Variants in EPHA6 observed in about 807,000 individuals in gnomAD.
EPHA6 encodes ephrin type-A receptor 6.
Under a neutral mutation model 112.0 loss-of-function variants are expected in EPHA6, and 50 were observed. The observed-to-expected ratio is 0.45, with a 90% CI of 0.36 to 0.56. EPHA6 has a LOEUF of 0.56. Among genes scored for constraint, EPHA6 ranks in the 20% least tolerant of loss-of-function variants. The pLI, the probability that EPHA6 is intolerant of heterozygous loss-of-function variation, is 0.00. For synonymous variants in EPHA6, 529 were observed against 490.7 expected (o/e 1.08, Z -1.03); for missense variants, 1,280 against 1,417.4 (o/e 0.90, Z 1.56).
At chr3:97,646,398 T>TCTCATTCTTCATTTACTTTA in intron 14 of EPHA6, 8 of 965,900 alleles carry the variant, frequency 8.3e-6, no homozygotes, top group Middle Eastern at 2.3e-4. Flanking sequence ...CTAAAGTAAA[T>TCTCATTCTTCATTTACTTTA]GAAGAATGAG....
intron 3 of EPHA6, among the ~76,000 whole-genome samples, chr3:97,024,081 A>C (rs2044554541): frequency 6.6e-6 from 1 of 152,108 alleles, no homozygotes; most frequent in African/African-American, 2.4e-5. Context: ...AATAATTTGC[A>C]CATTAAAGTC....
Position 97,150,685 on chromosome 3 carries a change from T to A in EPHA6, c.1115-75579T>A, listed in dbSNP as rs2076150672. 2.0e-5 allele frequency among the ~76,000 whole-genome samples: 3 copies of A among 152,150 alleles called. No individual in the cohort carries two copies. In the South Asian group the frequency reaches 6.2e-4, roughly 31 times the overall value. On this transcript the variant is annotated intron_variant, in intron 3 of 17. Transcript: ENST00000389672. Reference sequence around the variant, plus strand: ...TGTCTTCTCCCAATGTTCATGAGACTACAATAGCCTAATATGTAAGCTTGA... The same window carrying A: ...TGTCTTCTCCCAATGTTCATGAGACAACAATAGCCTAATATGTAAGCTTGA...
At position 97,752,260 on chromosome 3, in the gene EPHA6, C is replaced by T. The variant is rs1168122419; in HGVS notation, c.*3559C>T. ...AAATCCGATCCTTGAAAAGCAAAGG[C>T]TCTAAAGAAGCTCTTCAGAAGAGAC... On this transcript the variant is annotated 3_prime_UTR_variant, in exon 18 of 18. Transcript: ENST00000389672. 4.5e-6 allele frequency: 1 copy of T among 222,906 alleles called. No homozygotes were observed. Among genetic ancestry groups the T allele is most frequent in the Non-Finnish European group, 9.0e-6 (1 of 111,600 alleles). The allele number at this position is 222,906 out of a possible 1,614,324, so 13.8% of individuals were successfully genotyped here. A position where few individuals can be genotyped will look rare whatever the true frequency, so the allele number is the denominator to read the frequency against.
rs553888364 is a variant in EPHA6 at position 97,118,726 on chromosome 3, C to T, written c.1115-107538C>T. On this transcript the variant is annotated intron_variant, in intron 3 of 17. Transcript: ENST00000389672. ...AGTACCCATGATCTTGGGAAAATTA[C>T]TTAACTTCCCTAATATTCAATTTTT... Among the ~76,000 whole-genome samples, 162 of 151,976 alleles carry T rather than the reference C, an allele frequency of 1.1e-3. 1 individual carries two copies. Among genetic ancestry groups the T allele is most frequent in the African/African-American group, 3.7e-3 (153 of 41,506 alleles).
chr3:96,957,557 A>G (rs963043512), intron 2 of EPHA6, among the ~76,000 whole-genome samples: 5 of 152,224 alleles, frequency 3.3e-5, no homozygotes, highest in African/African-American at 7.2e-5. Flanking sequence ...TTAAATTTCA[A>G]TCAGCTGTTA....
intron 5 of EPHA6, among the ~76,000 whole-genome samples, chr3:97,360,098 T>A (rs2084296226): frequency 6.6e-6 from 1 of 152,152 alleles, no homozygotes; most frequent in Admixed American, 6.5e-5. Flanking sequence ...CAGTTCCTGA[T>A]ATTTGGAGGG....
chr3:97,223,564 G>A (rs1286493921), intron 3 of EPHA6, among the ~76,000 whole-genome samples: 1 of 152,144 alleles, frequency 6.6e-6, no homozygotes, highest in African/African-American at 2.4e-5. Context: ...ACTGGGGGTG[G>A]GGAGCAAAAC....
At position 97,008,604 on chromosome 3, in the gene EPHA6, A is replaced by G. The variant is rs115963271; in HGVS notation, c.1114+20611A>G. On this transcript the variant is annotated intron_variant, in intron 3 of 17. Transcript: ENST00000389672. ...TTTATTACCCATCTCCTAAAGCCCT[A>G]CTTCTGTCAATTTATCCATCTTATC... 5.6e-3 allele frequency among the ~76,000 whole-genome samples: 848 copies of G among 152,164 alleles called. 7 individuals carry two copies. The highest frequency in any genetic ancestry group is 0.02 in the African/African-American group (827 of 41,504).
At chr3:97,725,004 C>A (rs1206817330) in intron 15 of EPHA6, among the ~76,000 whole-genome samples, 1 of 151,972 alleles carries the variant, frequency 6.6e-6, no homozygotes, top group African/African-American at 2.4e-5. Context: ...TTTCAGGGTT[C>A]TTTTGATTAC....
chr3:96,973,187 C>T (rs1042751769), intron 2 of EPHA6, among the ~76,000 whole-genome samples: 2 of 152,044 alleles, frequency 1.3e-5, no homozygotes, highest in Non-Finnish European at 2.9e-5. Context: ...TTAGAGAATC[C>T]TCAGGCATAA....
Position 97,227,287 on chromosome 3 carries a change from C to G in EPHA6, c.1270+868C>G, listed in dbSNP as rs185676112. 7.0e-4 allele frequency among the ~76,000 whole-genome samples: 105 copies of G among 150,790 alleles called. 1 individual carries two copies. Among genetic ancestry groups the G allele is most frequent in the Middle Eastern group, 3.4e-3 (1 of 292 alleles). ...CCAGGCTGGAGTGCAGTGGCATGAT[C>G]CCGGCTCACTGCAGCCTCCACCTCC... is the stretch of plus-strand genomic sequence containing the variant. On this transcript the variant is annotated intron_variant, in intron 4 of 17. Coordinates refer to ENST00000389672, the MANE Select transcript of EPHA6 (RefSeq NM_001080448.3).
chr3:97,435,573 A>G (rs926487146), intron 6 of EPHA6, among the ~76,000 whole-genome samples: 1 of 152,142 alleles, frequency 6.6e-6, no homozygotes, highest in Non-Finnish European at 1.5e-5. Flanking sequence ...AACTTTGAAA[A>G]TGAGATTTCT....
chr3:96,862,711 C>T (rs889399677), intron 1 of EPHA6, among the ~76,000 whole-genome samples: 4 of 151,628 alleles, frequency 2.6e-5, no homozygotes, highest in African/African-American at 9.7e-5. Context: ...TAAACTAATA[C>T]CTTTTAGATT....
intron 2 of EPHA6, among the ~76,000 whole-genome samples, chr3:96,919,723 T>C (rs2039665506): frequency 6.6e-6 from 1 of 151,892 alleles, no homozygotes; most frequent in African/African-American, 2.4e-5. Context: ...CTTTTCTTAA[T>C]ATTTCTTCAT....
At chr3:97,384,354 G>A (rs985142668) in intron 5 of EPHA6, among the ~76,000 whole-genome samples, 2 of 152,184 alleles carry the variant, frequency 1.3e-5, no homozygotes, top group African/African-American at 4.8e-5. Flanking sequence ...GCAATGCTGG[G>A]ATTCAGTTCC....
At chr3:97,323,042 C>G (rs775335249) in intron 5 of EPHA6, among the ~76,000 whole-genome samples, 7 of 152,042 alleles carry the variant, frequency 4.6e-5, no homozygotes, top group Non-Finnish European at 7.4e-5. Context: ...CTTAGGGTAT[C>G]CTCTTCCCTT....
intron 3 of EPHA6, among the ~76,000 whole-genome samples, chr3:97,053,359 C>T (rs1315362252): frequency 6.6e-6 from 1 of 151,982 alleles, no homozygotes; most frequent in African/African-American, 2.4e-5. Context: ...AGATGTAGTA[C>T]ATGGGAACAT....
chr3:97,144,090 C>G (rs1416309638), intron 3 of EPHA6, among the ~76,000 whole-genome samples: 2 of 151,618 alleles, frequency 1.3e-5, no homozygotes, highest in East Asian at 3.9e-4. Flanking sequence ...TGTATAACAA[C>G]CCTCCCTTAA....
intron 2 of EPHA6, among the ~76,000 whole-genome samples, chr3:96,884,812 G>A (rs139381944): frequency 6.6e-6 from 1 of 152,158 alleles, no homozygotes; most frequent in Admixed American, 6.5e-5. Flanking sequence ...AGTTCTCAGA[G>A]GGAATGCTTT....
Sources: gnomAD v4.1 joint callset for allele counts (sites outside exome capture counted in the v4.1 genomes callset) on GRCh38, gnomAD v4.1.1 for gene constraint, MANE v1.5 for transcripts, NCBI Gene and HGNC (gene_info 2026-07-23, HGNC 2026-07-21) for gene names.